Variants in ANKRD55 observed in about 807,000 individuals in gnomAD.
The protein encoded by ANKRD55 is ankyrin repeat domain-containing protein 55.
In ANKRD55, 41 loss-of-function variants were observed where a neutral mutation model predicts 60.6. The ratio of observed to expected loss-of-function variants is 0.68; its 90% CI spans 0.53 to 0.88. The LOEUF (loss-of-function observed/expected upper bound fraction) is 0.88, where lower values mean the gene tolerates loss of function less well. Ranked by LOEUF, ANKRD55 falls within the 40% of genes least tolerant of loss-of-function variation. The pLI, the probability that ANKRD55 is intolerant of heterozygous loss-of-function variation, is 0.00. For synonymous variants in ANKRD55, 264 were observed against 290.3 expected, an observed-to-expected ratio of 0.91 and a Z score of 0.92; for missense variants, 732 against 767.6, an observed-to-expected ratio of 0.95 and a Z score of 0.55.
rs150220906 is a variant in ANKRD55 at position 56,105,241 on chromosome 5, C to T, written c.1631-2655G>A. Among the ~76,000 whole-genome samples, 952 of 152,230 alleles carry T rather than the reference C, an allele frequency of 6.3e-3. 7 individuals are homozygous for T. The highest frequency in any genetic ancestry group is 0.021 in the African/African-American group (881 of 41,546). On this transcript the variant is annotated intron_variant, in intron 10 of 11. Transcript: ENST00000341048. ...AGCTGGAACTACAGGCGTGCGCCAC[C>T]ACACCAGGCTAATTTTTGTATTTTT...
At chr5:56,185,561 G>A (rs1170665269) in intron 2 of ANKRD55, among the ~76,000 whole-genome samples, 2 of 151,866 alleles carry the variant, frequency 1.3e-5, no homozygotes, top group African/African-American at 2.4e-5. Context: ...CCAGCTACTC[G>A]GGAGGCTGGG....
chr5:56,100,518 T>A (rs915333077), intron 11 of ANKRD55, among the ~76,000 whole-genome samples: 7 of 152,192 alleles, frequency 4.6e-5, no homozygotes, highest in Non-Finnish European at 7.3e-5. Flanking sequence ...TATGCACACA[T>A]AGAAGACTGT....
At position 56,158,435 on chromosome 5, in the gene ANKRD55, T is replaced by C. The variant is rs373145854; in HGVS notation, c.483+1398A>G. On this transcript the variant is annotated intron_variant, in intron 6 of 11. Transcript: ENST00000341048. ...AAGAACCTTGTTAAGGAAATCAGCCTGGCTAAGGAAAATTAGTACTGCATT... is the reference window on the plus strand; with the variant it reads ...AAGAACCTTGTTAAGGAAATCAGCCCGGCTAAGGAAAATTAGTACTGCATT... Among the ~76,000 whole-genome samples the C allele has an allele frequency of 5.3e-4, 80 of 152,348 alleles. 1 individual carries two copies. Among genetic ancestry groups the C allele is most frequent in the Middle Eastern group, 3.4e-3 (1 of 294 alleles).
intron 2 of ANKRD55, among the ~76,000 whole-genome samples, chr5:56,216,937 A>T (rs568668918): frequency 6.6e-6 from 1 of 152,320 alleles, no homozygotes; most frequent in Non-Finnish European, 1.5e-5. Context: ...TAAACAACAG[A>T]TTTTCAATGT....
chr5:56,159,461 TAAA>T (rs138795262), intron 6 of ANKRD55, among the ~76,000 whole-genome samples: 1 of 141,906 alleles, frequency 7.0e-6, no homozygotes, highest in Non-Finnish European at 1.5e-5. Context: ...AACTCCATCT[TAAA>T]AAAAAAAAAA....
At chr5:56,137,160 C>CAGT in intron 7 of ANKRD55, 4 of 1,491,904 alleles carry the variant, frequency 2.7e-6, no homozygotes, top group Non-Finnish European at 3.7e-6. Flanking sequence ...ACCATTGTGA[C>CAGT]GTTACAGTGG....
At position 56,116,859 on chromosome 5, in the gene ANKRD55, T is replaced by C. The variant is rs527536284; in HGVS notation, c.798-77A>G. 3.5e-6 allele frequency: 5 copies of C among 1,415,930 alleles called. No individual in the cohort carries two copies. In the East Asian group the frequency reaches 1.1e-4, roughly 31 times the overall value. The allele number at this position is 1,415,930 out of a possible 1,614,324, so 87.7% of individuals were successfully genotyped here. ...AGGCTGCTTAGCCAGCAACAGCTCC[T>C]GCTCAAAGTCAGGTTGAGGTAGGGA... On this transcript the variant is annotated intron_variant, in intron 8 of 11. Transcript: ENST00000341048.
rs143287704 is a variant in ANKRD55, at chr5:56,165,157, C to T, written c.423-5264G>A. Among the ~76,000 whole-genome samples, 1,507 of 152,282 alleles carry T rather than the reference C, an allele frequency of 9.9e-3. 27 individuals are homozygous for T. Among genetic ancestry groups the T allele is most frequent in the African/African-American group, 0.035 (1,433 of 41,532 alleles). On this transcript the variant is annotated intron_variant, in intron 5 of 11. Coordinates refer to ENST00000341048, the MANE Select transcript of ANKRD55 (RefSeq NM_024669.3). The stretch of plus-strand genomic sequence containing the variant: ...TTTTAAATCAGTATAAAAACCTGAG[C>T]ACAAGGGCACTATGTGGCCTGTACA...
intron 2 of ANKRD55, among the ~76,000 whole-genome samples, chr5:56,225,167 G>A (rs935482593): frequency 3.9e-5 from 6 of 152,156 alleles, no homozygotes; most frequent in Admixed American, 1.3e-4. Context: ...TGGGATGCAA[G>A]GCTGCTTCAA....
chr5:56,218,610 C>G (rs1759879890), intron 2 of ANKRD55, among the ~76,000 whole-genome samples: 1 of 152,190 alleles, frequency 6.6e-6, no homozygotes, highest in Non-Finnish European at 1.5e-5. Flanking sequence ...ACAGCATAAA[C>G]CTAACTTTTA....
intron 10 of ANKRD55, among the ~76,000 whole-genome samples, chr5:56,106,918 G>A (rs1474954459): frequency 6.6e-6 from 1 of 151,682 alleles, no homozygotes; most frequent in African/African-American, 2.4e-5. Flanking sequence ...AGGTTGAGAT[G>A]GGAGGATTGC....
chr5:56,222,950 C>T lies in ANKRD55; in HGVS notation c.58+9906G>A, dbSNP rs145067187. Among the ~76,000 whole-genome samples, 167 of 152,266 alleles carry T rather than the reference C, an allele frequency of 1.1e-3. 2 individuals carry two copies. In the Middle Eastern group the frequency reaches 0.021, roughly 19 times the overall value. ...CTCTTCAGGATATTATCCAGGAGAA[C>T]GTCCCCAACCTAGGAAGGCAGGCCA... is the stretch of plus-strand genomic sequence containing the variant. On this transcript the variant is annotated intron_variant, in intron 2 of 11. Coordinates refer to ENST00000341048, the MANE Select transcript of ANKRD55 (RefSeq NM_024669.3).
intron 4 of ANKRD55, among the ~76,000 whole-genome samples, chr5:56,173,716 G>T (rs1437793387): frequency 6.6e-6 from 1 of 151,104 alleles, no homozygotes; most frequent in East Asian, 2.0e-4. Context: ...GACTAATTTT[G>T]TATTTTTAGT....
chr5:56,133,694 C>T (rs567325858), intron 7 of ANKRD55, among the ~76,000 whole-genome samples: 1 of 113,242 alleles, frequency 8.8e-6, no homozygotes, highest in South Asian at 2.8e-4. Flanking sequence ...GGAGATTAAA[C>T]AATATAAGTA....
chr5:56,123,245 A>C (rs1757132906), intron 8 of ANKRD55, among the ~76,000 whole-genome samples: 1 of 152,094 alleles, frequency 6.6e-6, no homozygotes, highest in Non-Finnish European at 1.5e-5. Context: ...GCCTGGAGGC[A>C]GCCTGGCAGC....
At chr5:56,199,762 G>A (rs1446278135) in intron 2 of ANKRD55, among the ~76,000 whole-genome samples, 1 of 151,718 alleles carries the variant, frequency 6.6e-6, no homozygotes, top group Non-Finnish European at 1.5e-5. Flanking sequence ...GTGGTGGCGG[G>A]CGCCTGTAGT....
chr5:56,106,005 G>A (rs2111660607), intron 10 of ANKRD55, among the ~76,000 whole-genome samples: 1 of 152,286 alleles, frequency 6.6e-6, no homozygotes, highest in South Asian at 2.1e-4. Context: ...CAAATTCCAA[G>A]TCTCTAGGAT....
chr5:56,172,190 C>A (rs1049220959), intron 4 of ANKRD55, among the ~76,000 whole-genome samples: 20 of 151,022 alleles, frequency 1.3e-4, no homozygotes, highest in Admixed American at 1.1e-3. Context: ...AAGAAAAGAA[C>A]CTTTTGGTTT....
In ANKRD55 at chr5:56,217,753, G is replaced by A. The variant is rs533504336; in HGVS notation, c.58+15103C>T. Among the ~76,000 whole-genome samples the A allele has an allele frequency of 4.0e-3, 606 of 152,094 alleles. 3 individuals are homozygous for A. Among genetic ancestry groups the A allele is most frequent in the African/African-American group, 0.012 (507 of 41,502 alleles). ...ACTAAAAATACAAAAAAAATTAGCCGGGCGTGGTGGGGGGCACCTGTAGTC... is the reference window on the plus strand; with the variant it reads ...ACTAAAAATACAAAAAAAATTAGCCAGGCGTGGTGGGGGGCACCTGTAGTC... On this transcript the variant is annotated intron_variant, in intron 2 of 11. Transcript: ENST00000341048.
Sources: allele counts gnomAD v4.1 joint callset (sites outside exome capture counted in the v4.1 genomes callset), GRCh38; gene constraint gnomAD v4.1.1; transcripts MANE v1.5; gene names NCBI Gene and HGNC (gene_info 2026-07-23, HGNC 2026-07-21).